ZEB1: variants seen among roughly 807,000 people sequenced by gnomAD.
ZEB1 encodes zinc finger E-box-binding homeobox 1.
Under a neutral mutation model 84.9 loss-of-function variants are expected in ZEB1, and 21 were observed. The observed-to-expected ratio is 0.25, with a 90% confidence interval of 0.18 to 0.36. ZEB1 has a LOEUF of 0.36. Among genes scored for constraint, ZEB1 ranks in the 10% least tolerant of loss-of-function variants. The pLI, the probability that ZEB1 is intolerant of heterozygous loss-of-function variation, is 1.00. For missense variants in ZEB1, 1,104 were observed against 1,330.2 expected, an observed-to-expected ratio of 0.83 and a Z score of 2.65; for synonymous variants, 420 against 471.1, an observed-to-expected ratio of 0.89 and a Z score of 1.41.
At chr10:31,353,570 T>G (rs2041650853) in intron 1 of ZEB1, among the ~76,000 whole-genome samples, 1 of 152,216 alleles carries the variant, frequency 6.6e-6, no homozygotes, top group Non-Finnish European at 1.5e-5. Context: ...TTCCAGAATT[T>G]GTTTATGATC....
chr10:31,511,439 T>C (rs2070002087), intron 5 of ZEB1, among the ~76,000 whole-genome samples: 1 of 152,166 alleles, frequency 6.6e-6, no homozygotes, highest in South Asian at 2.1e-4. Context: ...TCTGTGTCAC[T>C]GTGCCCCAGT....
At chr10:31,506,380 T>C (rs184227934) in intron 4 of ZEB1, among the ~76,000 whole-genome samples, 1 of 152,218 alleles carries the variant, frequency 6.6e-6, no homozygotes, top group East Asian at 1.9e-4. Flanking sequence ...CCCTAACTAT[T>C]ATTGTATTAG....
intron 1 of ZEB1, among the ~76,000 whole-genome samples, chr10:31,382,006 CAAAAAAA>C (rs535534850): frequency 5.4e-4 from 22 of 40,790 alleles, no homozygotes; most frequent in Non-Finnish European, 7.6e-4. Flanking sequence ...GAGACTGTCT[CAAAAAAA>C]AAAAAAAAAA....
intron 2 of ZEB1, among the ~76,000 whole-genome samples, chr10:31,474,908 G>A (rs1050513979): frequency 2.3e-4 from 35 of 152,234 alleles, no homozygotes; most frequent in Non-Finnish European, 2.2e-4. Context: ...CATGTCCTTT[G>A]TAGGGACATG....
At chr10:31,381,175 C>A (rs926779040) in intron 1 of ZEB1, among the ~76,000 whole-genome samples, 3 of 152,020 alleles carry the variant, frequency 2.0e-5, no homozygotes, top group African/African-American at 7.2e-5. Context: ...TGGTAATGAA[C>A]AAAACCTGAA....
intron 2 of ZEB1, among the ~76,000 whole-genome samples, chr10:31,488,083 C>T (rs2065974882): frequency 6.7e-6 from 1 of 149,266 alleles, no homozygotes; most frequent in Non-Finnish European, 1.5e-5. Flanking sequence ...TTATTTTCTT[C>T]GTACTATTGT....
At chr10:31,444,871 G>T (rs973731405) in intron 1 of ZEB1, among the ~76,000 whole-genome samples, 1 of 150,290 alleles carries the variant, frequency 6.7e-6, no homozygotes, top group Non-Finnish European at 1.5e-5. Context: ...TTGTTCTTTT[G>T]GCTTAGGATT....
At chr10:31,347,923 C>A in intron 1 of ZEB1, among the ~76,000 whole-genome samples, 1 of 152,136 alleles carries the variant, frequency 6.6e-6, no homozygotes, top group East Asian at 1.9e-4. Flanking sequence ...TTCCAGGGCC[C>A]TTCAGGGGAA....
chr10:31,387,900 A>G (rs963057597), intron 1 of ZEB1: 4 of 290,030 alleles, frequency 1.4e-5, no homozygotes, highest in Non-Finnish European at 2.1e-5. Flanking sequence ...TCGTCTTACA[A>G]CTTCTTCCTG....
Position 31,475,480 on chromosome 10 carries a change from C to A in ZEB1, c.259+14243C>A, listed in dbSNP as rs749509020. Among the ~76,000 whole-genome samples the A allele has an allele frequency of 4.1e-4, 62 of 152,036 alleles. 1 individual carries two copies. The highest frequency in any genetic ancestry group is 1.6e-3 in the Admixed American group (25 of 15,254). On this transcript the variant is annotated intron_variant, in intron 2 of 8. Coordinates refer to ENST00000424869, the MANE Select transcript of ZEB1 (RefSeq NM_001174096.2). Reference sequence around the variant, plus strand: ...AAATACTGTACAACATTAACATGACCAAGGCATATAGTCATTAGGCTATTC... The same window carrying A: ...AAATACTGTACAACATTAACATGACAAAGGCATATAGTCATTAGGCTATTC...
chr10:31,417,875 C>CT (rs1341168356), intron 1 of ZEB1, among the ~76,000 whole-genome samples: 1 of 151,998 alleles, frequency 6.6e-6, no homozygotes, highest in Non-Finnish European at 1.5e-5. Flanking sequence ...AAAAGACAGT[C>CT]TATTCTCTCA....
At chr10:31,399,550 A>T (rs1171641656) in intron 1 of ZEB1, among the ~76,000 whole-genome samples, 4 of 152,144 alleles carry the variant, frequency 2.6e-5, no homozygotes, top group Non-Finnish European at 4.4e-5. Context: ...CTCTACTCCT[A>T]CAACCCTGAT....
intron 2 of ZEB1, among the ~76,000 whole-genome samples, chr10:31,478,214 TAAAAG>T (rs1211573540): frequency 1.3e-5 from 2 of 151,928 alleles, no homozygotes; most frequent in African/African-American, 2.4e-5. Flanking sequence ...AGACATTTCT[TAAAAG>T]AAGACATAAA....
At chr10:31,373,498 A>G (rs923483210) in intron 1 of ZEB1, among the ~76,000 whole-genome samples, 4 of 151,808 alleles carry the variant, frequency 2.6e-5, no homozygotes, top group African/African-American at 9.7e-5. Context: ...GCTTGACTGA[A>G]GTTTAACTTC....
At chr10:31,336,863 A>C (rs2038194190) in intron 1 of ZEB1, among the ~76,000 whole-genome samples, 1 of 152,214 alleles carries the variant, frequency 6.6e-6, no homozygotes, top group South Asian at 2.1e-4. Context: ...CTGAACACTT[A>C]GGCGTTGCAG....
intron 1 of ZEB1, among the ~76,000 whole-genome samples, chr10:31,430,500 G>A (rs1444919822): frequency 6.6e-6 from 1 of 152,046 alleles, no homozygotes; most frequent in East Asian, 1.9e-4. Flanking sequence ...ATTAAATATT[G>A]TCTTTTTTCA....
At chr10:31,502,264 C>T (rs551114252) in intron 3 of ZEB1, 84 bp from the exon 4 acceptor site, 2 of 1,363,138 alleles carry the variant, frequency 1.5e-6, no homozygotes, top group South Asian at 2.5e-5. Flanking sequence ...TATGTTCTCT[C>T]AAGATAAATA....
chr10:31,464,948 A>G (rs1485392406), intron 2 of ZEB1, among the ~76,000 whole-genome samples: 2 of 152,204 alleles, frequency 1.3e-5, no homozygotes, highest in Non-Finnish European at 2.9e-5. Context: ...CTCACTAGTA[A>G]AGAAGTTCCA....
intron 1 of ZEB1, among the ~76,000 whole-genome samples, chr10:31,397,526 A>G (rs897252465): frequency 2.0e-5 from 3 of 152,114 alleles, no homozygotes; most frequent in Non-Finnish European, 2.9e-5. Flanking sequence ...GCAGAATACA[A>G]AGAATTTTCA....
Sources: allele counts gnomAD v4.1 joint callset (sites outside exome capture counted in the v4.1 genomes callset), GRCh38; gene constraint gnomAD v4.1.1; transcripts MANE v1.5; gene names NCBI Gene and HGNC (gene_info 2026-07-23, HGNC 2026-07-21).